The following LTBP1 variants were observed in gnomAD, a reference collection of about 807,000 sequenced individuals.
LTBP1 encodes the protein latent-transforming growth factor beta-binding protein 1.
In LTBP1, 129 loss-of-function variants were observed where a neutral mutation model predicts 207.6. The observed-to-expected ratio is 0.62, with a 90% CI of 0.54 to 0.72. The LOEUF (loss-of-function observed/expected upper bound fraction) is 0.72, where lower values mean the gene tolerates loss of function less well. LTBP1 is among the 30% of genes least tolerant of loss of function. The probability of loss-of-function intolerance (pLI) is 0.00; values close to 1 mark genes in which losing one functional copy is unlikely to be tolerated. For missense variants in LTBP1, 2,281 were observed against 2,217.2 expected (o/e 1.03, Z -0.58); for synonymous variants, 963 against 833.7 (o/e 1.16, Z -2.67).
intron 3 of LTBP1, among the ~76,000 whole-genome samples, chr2:33,066,122 C>T (rs1321551213): frequency 6.6e-6 from 1 of 151,988 alleles, no homozygotes; most frequent in Admixed American, 6.6e-5. Flanking sequence ...TCAATATTTT[C>T]CCTATTTTTC....
Position 33,379,276 on chromosome 2 carries a change from C to G in LTBP1, c.4712-9908C>G, listed in dbSNP as rs947068364. On this transcript the variant is annotated intron_variant, in intron 31 of 33. Transcript: ENST00000404816. ...CCAGGCTGGAGTGCAGTGGTGCAAT[C>G]TTGGCTCACTGCAAGCTCCGCCTCC... Among the ~76,000 whole-genome samples the G allele has an allele frequency of 5.8e-5, 8 of 137,326 alleles. No homozygotes were observed. The East Asian group carries it at 1.9e-3, about 33-fold the overall frequency. The allele number at this position is 137,326 out of a possible 152,430, so 90.1% of individuals were successfully genotyped here.
chr2:33,205,612 C>T (rs557966314), intron 7 of LTBP1, among the ~76,000 whole-genome samples: 4 of 152,270 alleles, frequency 2.6e-5, no homozygotes, highest in African/African-American at 9.6e-5. Flanking sequence ...CAGCAGGGAA[C>T]GAGAGGTTCT....
intron 2 of LTBP1, among the ~76,000 whole-genome samples, chr2:32,983,449 C>T (rs111298125): frequency 0.097 from 14,741 of 152,062 alleles, 950 homozygotes; most frequent in Non-Finnish European, 0.14. Context: ...GTTAAGACTT[C>T]GGGGGACTGT....
At chr2:33,268,591 T>C (rs1372789693) in intron 15 of LTBP1, among the ~76,000 whole-genome samples, 2 of 152,366 alleles carry the variant, frequency 1.3e-5, no homozygotes, top group African/African-American at 4.8e-5. Flanking sequence ...GGCATACCAT[T>C]TTCAAGTGAA....
chr2:32,948,319 T>C (rs1204753237), intron 1 of LTBP1, among the ~76,000 whole-genome samples: 1 of 152,102 alleles, frequency 6.6e-6, no homozygotes, highest in Admixed American at 6.5e-5. Context: ...ACCTGTGGGG[T>C]CTGCTTTCCT....
intron 19 of LTBP1, among the ~76,000 whole-genome samples, chr2:33,284,212 T>A (rs2093618991): frequency 6.6e-6 from 1 of 152,170 alleles, no homozygotes; most frequent in South Asian, 2.1e-4. Context: ...AGAGCAGAAA[T>A]TGTTTTGGGC....
chr2:33,243,034 C>T (rs2092389009), intron 9 of LTBP1, among the ~76,000 whole-genome samples: 1 of 152,154 alleles, frequency 6.6e-6, no homozygotes, highest in South Asian at 2.1e-4. Context: ...CATCCACTGG[C>T]CACACTCTGT....
intron 2 of LTBP1, among the ~76,000 whole-genome samples, chr2:33,006,718 G>C (rs1178225355): frequency 8.7e-6 from 1 of 115,524 alleles, no homozygotes; most frequent in Non-Finnish European, 2.0e-5. Context: ...AATTTTATAT[G>C]TTACTGCTTG....
intron 23 of LTBP1, among the ~76,000 whole-genome samples, chr2:33,312,605 A>G (rs901313027): frequency 5.3e-5 from 8 of 152,212 alleles, no homozygotes; most frequent in African/African-American, 1.7e-4. Context: ...AAATGCCTCA[A>G]TAAGTACAAT....
chr2:33,221,998 C>T (rs777402492), intron 8 of LTBP1, 82 bp from the exon 9 acceptor site: 61 of 941,632 alleles, frequency 6.5e-5, no homozygotes, highest in Non-Finnish European at 1.0e-4. Flanking sequence ...TTGCTGATGC[C>T]TTAAATGGCT....
chr2:33,047,632 T>C (rs1427796931), intron 3 of LTBP1, among the ~76,000 whole-genome samples: 5 of 152,180 alleles, frequency 3.3e-5, no homozygotes, highest in Non-Finnish European at 7.4e-5. Context: ...CTGTTAGATC[T>C]GCTTGGTCCA....
chr2:33,183,170 A>C (rs2148733341), intron 5 of LTBP1, among the ~76,000 whole-genome samples: 1 of 152,318 alleles, frequency 6.6e-6, no homozygotes, highest in Non-Finnish European at 1.5e-5. Context: ...TTTAATGTTA[A>C]TTCCTTTGGG....
chr2:32,970,458 G>C (rs1184784078), intron 2 of LTBP1, among the ~76,000 whole-genome samples: 1 of 152,160 alleles, frequency 6.6e-6, no homozygotes, highest in African/African-American at 2.4e-5. Context: ...AAGGGGTTCA[G>C]TTTCAATCTT....
chr2:33,256,839 TG>T (rs1387471143), intron 11 of LTBP1, among the ~76,000 whole-genome samples: 1 of 146,568 alleles, frequency 6.8e-6, no homozygotes, highest in Non-Finnish European at 1.5e-5. Context: ...TGGTTGAATC[TG>T]TGGATGCAGA....
chr2:33,328,939 G>A (rs2094462561), intron 24 of LTBP1, among the ~76,000 whole-genome samples: 1 of 152,070 alleles, frequency 6.6e-6, no homozygotes, highest in Non-Finnish European at 1.5e-5. Context: ...TGGTCATTTG[G>A]CATGCTTCCT....
chr2:33,224,273 C>G (rs1403802679), intron 9 of LTBP1, among the ~76,000 whole-genome samples: 3 of 152,186 alleles, frequency 2.0e-5, no homozygotes, highest in Non-Finnish European at 2.9e-5. Context: ...TGTAGTTGTT[C>G]CGTTAAACTA....
chr2:33,320,782 G>A (rs1390166969), intron 24 of LTBP1, among the ~76,000 whole-genome samples: 1 of 152,182 alleles, frequency 6.6e-6, no homozygotes, highest in East Asian at 1.9e-4. Context: ...TGATGTAAGA[G>A]TTCATCAGTC....
intron 23 of LTBP1, among the ~76,000 whole-genome samples, chr2:33,309,824 T>G (rs2094155087): frequency 6.6e-6 from 1 of 152,238 alleles, no homozygotes; most frequent in Admixed American, 6.5e-5. Context: ...TATTCCATGC[T>G]GTAACCTTGG....
At chr2:33,365,557 C>G in intron 31 of LTBP1, 54 bp downstream of exon 31, 4 of 1,551,896 alleles carry the variant, frequency 2.6e-6, no homozygotes, top group South Asian at 2.3e-5. Flanking sequence ...AAGTTCATCT[C>G]ACCTCCTTTG....
Sources: gnomAD v4.1 joint callset for allele counts (sites outside exome capture counted in the v4.1 genomes callset) on GRCh38, gnomAD v4.1.1 for gene constraint, MANE v1.5 for transcripts, NCBI Gene and HGNC (gene_info 2026-07-23, HGNC 2026-07-21) for gene names.